Variants in HS3ST4 observed in about 807,000 individuals in gnomAD.
HS3ST4 encodes heparan sulfate-glucosamine 3-sulfotransferase 4.
In HS3ST4, 17 loss-of-function variants were observed where a neutral mutation model predicts 29.2. That is an observed-to-expected ratio of 0.58 (90% CI 0.40 to 0.87). The LOEUF (loss-of-function observed/expected upper bound fraction) is 0.87. Among genes scored for constraint, HS3ST4 ranks in the 40% least tolerant of loss-of-function variants. The pLI is 0.00. For synonymous variants in HS3ST4, 314 were observed against 285.7 expected (o/e 1.10, Z -1.00); for missense variants, 627 against 634.5 (o/e 0.99, Z 0.13).
intron 1 of HS3ST4, among the ~76,000 whole-genome samples, chr16:26,106,328 A>G (rs891611759): frequency 6.6e-6 from 1 of 151,900 alleles, no homozygotes; most frequent in Non-Finnish European, 1.5e-5. Flanking sequence ...CACCCACCCT[A>G]CTCCGTACGG....
Position 25,820,010 on chromosome 16 carries a change from C to CAAAAAAAAAAAAAAAAAAAAAAAAAAAA in HS3ST4, c.734+126871_734+126898dup. Among the ~76,000 whole-genome samples the CAAAAAAAAAAAAAAAAAAAAAAAAAAAA allele has an allele frequency of 6.4e-5, 3 of 46,928 alleles. 1 individual carries two copies. Among genetic ancestry groups the CAAAAAAAAAAAAAAAAAAAAAAAAAAAA allele is most frequent in the South Asian group, 1.0e-3 (1 of 962 alleles). 30.8% of individuals were successfully genotyped at this position (46,928 alleles called of 152,430 possible). ...TGGGTGACAGAGTGATACTCTGTCT[C>CAAAAAAAAAAAAAAAAAAAAAAAAAAAA]AAAAAAAAAAAAAAAAAAAAAAAAA... On this transcript the variant is annotated intron_variant, in intron 1 of 1. Coordinates refer to ENST00000331351, the MANE Select transcript of HS3ST4 (RefSeq NM_006040.3).
chr16:25,867,470 C>T (rs1484927152), intron 1 of HS3ST4, among the ~76,000 whole-genome samples: 6 of 152,088 alleles, frequency 3.9e-5, no homozygotes, highest in African/African-American at 7.2e-5. Flanking sequence ...TTTAGAATCC[C>T]GTGCTAGTAA....
rs1968071153 is a variant in HS3ST4, at chr16:25,896,782, T to TGTG, written c.734+203634_734+203636dup. ...TCCACAGTGGATTGGATAAAGAAAA[T>TGTG]GTGGTACATATACACCATAGAATAC... is the stretch of plus-strand genomic sequence containing the variant. On this transcript the variant is annotated intron_variant, in intron 1 of 1. Transcript: ENST00000331351. 9.9e-5 allele frequency among the ~76,000 whole-genome samples: 15 copies of TGTG among 152,252 alleles called. No individual in the cohort carries two copies. The South Asian group carries it at 2.9e-3, about 29-fold the overall frequency.
Position 25,965,054 on chromosome 16 carries a change from G to A in HS3ST4, c.735-170558G>A, listed in dbSNP as rs144892370. Among the ~76,000 whole-genome samples, 98 of 152,210 alleles carry A rather than the reference G, an allele frequency of 6.4e-4. 1 individual carries two copies. Among genetic ancestry groups the A allele is most frequent in the African/African-American group, 2.2e-3 (93 of 41,524 alleles). On this transcript the variant is annotated intron_variant, in intron 1 of 1. Coordinates refer to ENST00000331351, the MANE Select transcript of HS3ST4 (RefSeq NM_006040.3). ...TTTCTAAAGGCATTCACATGTTCAC[G>A]CGAGACATTGTAACAGATAAAAAAG...
chr16:25,692,967 G>T lies in HS3ST4; in HGVS notation c.550G>T (p.Gly184Cys). The change falls in exon 1 of 2, where the codon GGC (glycine) becomes TGC (cysteine). Residue 184 changes from glycine (G) to cysteine (C), a missense_variant. By Grantham distance (159) the Gly-to-Cys change is radical. Around this residue, in one of 2 missense-constraint regions of HS3ST4, gnomAD observed 402 missense variants for 340.8 expected, o/e 1.18. Coordinates refer to ENST00000331351, the MANE Select transcript of HS3ST4 (RefSeq NM_006040.3). ...RRAANGSSER[G>C]GAVSTPDYGE... ...AGCGGCCAACGGGAGCAGCGAGAGG[G>T]GCGGCGCCGTCAGCACCCCCGACTA... 1.2e-6 allele frequency: 2 copies of T among 1,610,860 alleles called. No homozygotes were observed. The highest frequency in any genetic ancestry group is 8.5e-7 in the Non-Finnish European group (1 of 1,179,176).
rs13335376 is a variant in HS3ST4 at position 25,840,875 on chromosome 16, G to A, written c.734+147724G>A. Among the ~76,000 whole-genome samples, 507 of 152,250 alleles carry A rather than the reference G, an allele frequency of 3.3e-3. 2 individuals carry two copies. Among genetic ancestry groups the A allele is most frequent in the African/African-American group, 0.011 (469 of 41,542 alleles). ...CTGGGATGCCAAACCCAATCCATGG[G>A]CCATCTGTGGTCAAGTAAGCTTATT... On this transcript the variant is annotated intron_variant, in intron 1 of 1. Transcript: ENST00000331351.
intron 1 of HS3ST4, among the ~76,000 whole-genome samples, chr16:25,870,894 C>G (rs766564900): frequency 2.6e-5 from 4 of 152,070 alleles, no homozygotes; most frequent in Non-Finnish European, 4.4e-5. Flanking sequence ...ATGTACGGCA[C>G]ATGAGAGAGA....
chr16:25,949,889 TA>T (rs1968666050), intron 1 of HS3ST4, among the ~76,000 whole-genome samples: 1 of 152,086 alleles, frequency 6.6e-6, no homozygotes, highest in African/African-American at 2.4e-5. Context: ...GGAAGCCTAC[TA>T]AAAAATGGGT....
rs540710009 is a variant in HS3ST4, at chr16:25,735,509, C to G, written c.734+42358C>G. 2.0e-5 allele frequency among the ~76,000 whole-genome samples: 3 copies of G among 152,212 alleles called. No individual in the cohort carries two copies. In the South Asian group the frequency reaches 6.2e-4, roughly 32 times the overall value. On this transcript the variant is annotated intron_variant, in intron 1 of 1. Coordinates refer to ENST00000331351, the MANE Select transcript of HS3ST4 (RefSeq NM_006040.3). ...GCTTAAGCAACCCTCCACTCTCAGC[C>G]TCCTGAGTAGCTGGGACTGCAGGTG...
chr16:26,093,813 T>C (rs1207563033), intron 1 of HS3ST4, among the ~76,000 whole-genome samples: 1 of 152,152 alleles, frequency 6.6e-6, no homozygotes, highest in African/African-American at 2.4e-5. Flanking sequence ...AACAAACTTG[T>C]CCAAGCTAAA....
intron 1 of HS3ST4, among the ~76,000 whole-genome samples, chr16:26,049,779 C>T (rs74013247): frequency 0.061 from 9,225 of 152,230 alleles, 404 homozygotes; most frequent in Middle Eastern, 0.14. Context: ...GGGCTTCTCA[C>T]AACCCCCTCC....
At chr16:26,031,596 G>A (rs1969531268) in intron 1 of HS3ST4, among the ~76,000 whole-genome samples, 1 of 151,858 alleles carries the variant, frequency 6.6e-6, no homozygotes, top group South Asian at 2.1e-4. Flanking sequence ...GCGCAAATTG[G>A]CCCCAAATTA....
chr16:25,983,051 T>C (rs1969024416), intron 1 of HS3ST4, among the ~76,000 whole-genome samples: 1 of 152,128 alleles, frequency 6.6e-6, no homozygotes, highest in Admixed American at 6.5e-5. Context: ...TGGAGGGAGA[T>C]ATGTGATGTC....
chr16:25,985,747 G>GT (rs1197526484), intron 1 of HS3ST4, among the ~76,000 whole-genome samples: 2 of 152,030 alleles, frequency 1.3e-5, no homozygotes, highest in African/African-American at 4.8e-5. Flanking sequence ...GGAGTGCAGT[G>GT]GTGATAATGG....
chr16:25,863,328 G>C (rs375345941), intron 1 of HS3ST4, among the ~76,000 whole-genome samples: 195 of 152,170 alleles, frequency 1.3e-3, no homozygotes, highest in Middle Eastern at 0.01. Context: ...TGATCTGCCC[G>C]CTTCAGCCTC....
chr16:25,697,203 T>G (rs1966304105), intron 1 of HS3ST4, among the ~76,000 whole-genome samples: 2 of 152,198 alleles, frequency 1.3e-5, no homozygotes, highest in Admixed American at 1.3e-4. Context: ...AAGCACCTGT[T>G]CTCCTGGAAC....
At chr16:25,806,291 G>A (rs1966989899) in intron 1 of HS3ST4, among the ~76,000 whole-genome samples, 1 of 152,056 alleles carries the variant, frequency 6.6e-6, no homozygotes, top group South Asian at 2.1e-4. Flanking sequence ...TTTTTCTCTG[G>A]TCAATTCATC....
At chr16:25,782,318 C>T (rs1966853378) in intron 1 of HS3ST4, among the ~76,000 whole-genome samples, 1 of 152,140 alleles carries the variant, frequency 6.6e-6, no homozygotes, top group African/African-American at 2.4e-5. Context: ...CACTCAGCCA[C>T]CAAACGGAAG....
rs542076360 is a variant in HS3ST4 at position 25,980,994 on chromosome 16, A to G, written c.735-154618A>G. On this transcript the variant is annotated intron_variant, in intron 1 of 1. Coordinates refer to ENST00000331351, the MANE Select transcript of HS3ST4 (RefSeq NM_006040.3). ...TGGGTCATAAGGGTTATTCCTAGTTATCTGGTATCTGGCTCTAGGATGATT... is the reference window on the plus strand; with the variant it reads ...TGGGTCATAAGGGTTATTCCTAGTTGTCTGGTATCTGGCTCTAGGATGATT... Among the ~76,000 whole-genome samples the G allele has an allele frequency of 5.3e-5, 8 of 152,232 alleles. No individual in the cohort carries two copies. In the South Asian group the frequency reaches 1.5e-3, roughly 28 times the overall value.
Sources: allele counts gnomAD v4.1 joint callset (sites outside exome capture counted in the v4.1 genomes callset), GRCh38; gene constraint gnomAD v4.1.1; regional missense constraint gnomAD v4.1.1; transcripts MANE v1.5; gene names NCBI Gene and HGNC (gene_info 2026-07-23, HGNC 2026-07-21).